Variants in LPA observed in about 807,000 individuals in gnomAD.
The protein encoded by LPA is lipoprotein(a), also known as apolipoprotein(a).
LPA carries 199 observed loss-of-function variants against 197.9 expected under a neutral mutation model. That is an observed-to-expected ratio of 1.01 (90% CI 0.90 to 1.13). The LOEUF (loss-of-function observed/expected upper bound fraction) is 1.13. Ranked by LOEUF, LPA falls within the 50% of genes most tolerant of loss-of-function variation. The probability of loss-of-function intolerance (pLI) is 0.00; values close to 1 mark genes in which losing one functional copy is unlikely to be tolerated. For missense variants in LPA, 1,853 were observed against 1,785.8 expected (o/e 1.04, Z -0.68); for synonymous variants, 715 against 639.5 (o/e 1.12, Z -1.78).
At chr6:160,591,787 T>G (rs779722179) in intron 22 of LPA, among the ~76,000 whole-genome samples, 2 of 151,264 alleles carry the variant, frequency 1.3e-5, no homozygotes, top group Non-Finnish European at 2.9e-5. Flanking sequence ...TTTACTCCTT[T>G]GTTGGTCTAT....
chr6:160,563,879 T>C (rs376944964), intron 28 of LPA, among the ~76,000 whole-genome samples: 12 of 152,240 alleles, frequency 7.9e-5, no homozygotes, highest in African/African-American at 2.4e-4. Context: ...AAGACTAAGA[T>C]TGCAACCGCT....
At position 160,650,439 on chromosome 6, in the gene LPA, A is replaced by G. The variant is rs1779983337; in HGVS notation, c.108T>C (p.Tyr36=). 1 of 1,613,908 alleles carries G rather than the reference A, an allele frequency of 6.2e-7. No individual in the cohort carries two copies. The change falls in exon 2 of 39, where the codon TAT becomes TAC. Residue 36 remains tyrosine, a synonymous_variant. Coordinates refer to ENST00000316300, the MANE Select transcript of LPA (RefSeq NM_005577.4). ...QDCYHGDGQS[Y]RGTYSTTVTG... Reference sequence around the variant, plus strand: ...TGACAGTGGTGGAGTACGTGCCTCGATAACTCTGTCCATCACCATGGTAGC... The same window carrying G: ...TGACAGTGGTGGAGTACGTGCCTCGGTAACTCTGTCCATCACCATGGTAGC...
intron 28 of LPA, among the ~76,000 whole-genome samples, chr6:160,565,677 C>T (rs889564224): frequency 1.3e-5 from 2 of 152,166 alleles, no homozygotes; most frequent in South Asian, 2.1e-4. Context: ...CAGAGAATGA[C>T]TTTGATGAGT....
chr6:160,599,619 G>T lies in LPA; in HGVS notation c.3168C>A (p.Tyr1056Ter). The T allele has an allele frequency of 6.2e-7, 1 of 1,614,080 alleles. No homozygotes were observed. Among genetic ancestry groups the T allele is most frequent in the Non-Finnish European group, 8.5e-7 (1 of 1,179,976 alleles). The change falls in exon 20 of 39, where the codon TAC becomes TAA. Residue 1056 changes from tyrosine (Y) to a stop codon, truncating the protein, a stop_gained. Transcript: ENST00000316300. LOFTEE classifies it high-confidence loss of function. ...EETPGVQDCY[Y>*]HYGQSYRGTY... Reference sequence around the variant, plus strand: ...TGCCTCGGTAACTCTGTCCATAATGGTAGTAGCAGTCCTGTACCCCGGGGG... The same window carrying T: ...TGCCTCGGTAACTCTGTCCATAATGTTAGTAGCAGTCCTGTACCCCGGGGG...
chr6:160,576,590 T>A (rs893568038), intron 28 of LPA, among the ~76,000 whole-genome samples: 8 of 145,580 alleles, frequency 5.5e-5, no homozygotes, highest in African/African-American at 1.7e-4. Flanking sequence ...TAAAAATATA[T>A]AAATTTATGC....
At chr6:160,602,472 A>G (rs1779263024) in intron 18 of LPA, among the ~76,000 whole-genome samples, 1 of 152,242 alleles carries the variant, frequency 6.6e-6, no homozygotes, top group African/African-American at 2.4e-5. Flanking sequence ...AAAGTTAAAT[A>G]TATTGCTATC....
intron 26 of LPA, among the ~76,000 whole-genome samples, chr6:160,583,441 C>T (rs558914949): frequency 8.6e-5 from 13 of 152,034 alleles, no homozygotes; most frequent in Non-Finnish European, 1.9e-4. Context: ...TAATTCTACT[C>T]CTGAAGTATG....
chr6:160,594,973 G>A (rs1241645834), intron 21 of LPA, among the ~76,000 whole-genome samples: 2 of 152,294 alleles, frequency 1.3e-5, no homozygotes, highest in East Asian at 3.9e-4. Context: ...AGCCAAAGAT[G>A]CAATGAACAC....
At chr6:160,546,043 C>T (rs1006694487) in intron 32 of LPA, among the ~76,000 whole-genome samples, 1 of 152,182 alleles carries the variant, frequency 6.6e-6, no homozygotes, top group African/African-American at 2.4e-5. Context: ...CTCTGCCCCC[C>T]AGTTCTTAAC....
intron 23 of LPA, among the ~76,000 whole-genome samples, chr6:160,590,011 T>C (rs1778995079): frequency 6.6e-6 from 1 of 152,210 alleles, no homozygotes. Flanking sequence ...CTTTTGGGTG[T>C]TCCTGAGAAC....
At chr6:160,532,773 A>T (rs747161747) in intron 37 of LPA, 124 bp from the exon 38 acceptor site, 11 of 743,928 alleles carry the variant, frequency 1.5e-5, no homozygotes, top group Non-Finnish European at 2.7e-5. Context: ...AACACAAGGC[A>T]GCTCCCAATG....
Position 160,653,951 on chromosome 6 carries a change from TATATATA to T in LPA, c.50-3461_50-3455del, listed in dbSNP as rs1562354280. Among the ~76,000 whole-genome samples the T allele has an allele frequency of 1.5e-3, 45 of 30,640 alleles. 1 individual carries two copies. The highest frequency in any genetic ancestry group is 5.1e-3 in the African/African-American group (41 of 8,068). The allele number at this position is 30,640 out of a possible 152,430, so 20.1% of individuals were successfully genotyped here. ...GGATATATATATATTTTATATATATTATATATAATATATATTATATATAATATATAAT... is the reference window on the plus strand; with the variant it reads ...GGATATATATATATTTTATATATATTATATATATTATATATAATATATAAT... On this transcript the variant is annotated intron_variant, in intron 1 of 38. Coordinates refer to ENST00000316300, the MANE Select transcript of LPA (RefSeq NM_005577.4).
At chr6:160,568,967 T>G (rs996457202) in intron 28 of LPA, among the ~76,000 whole-genome samples, 5 of 152,176 alleles carry the variant, frequency 3.3e-5, no homozygotes, top group African/African-American at 1.2e-4. Context: ...AAACCACTGC[T>G]TAATGAAATA....
At position 160,563,848 on chromosome 6, in the gene LPA, G is replaced by A. The variant is rs1778403628; in HGVS notation, c.4632-6277C>T. Among the ~76,000 whole-genome samples, 5 of 152,094 alleles carry A rather than the reference G, an allele frequency of 3.3e-5. No homozygotes were observed. In the South Asian group the frequency reaches 8.3e-4, roughly 25 times the overall value. ...TCCTTTGTCTCTTTTGATCTTTGAT[G>A]GTTTAAAGTCTGTTTCATCAAAGAC... On this transcript the variant is annotated intron_variant, in intron 28 of 38. Coordinates refer to ENST00000316300, the MANE Select transcript of LPA (RefSeq NM_005577.4).
rs748285266 is a variant in LPA at position 160,591,108 on chromosome 6, A to G, written c.3630-7T>C. ...GTAGTTCCTGGTCAGGCCACTGCAA[A>G]TTACAAAACAATACAGTTCACCAGA... On this transcript the variant is annotated splice_polypyrimidine_tract_variant and splice_region_variant and intron_variant, in intron 22 of 38. Coordinates refer to ENST00000316300, the MANE Select transcript of LPA (RefSeq NM_005577.4). 5.6e-6 allele frequency: 9 copies of G among 1,613,278 alleles called. No homozygotes were observed. The highest frequency in any genetic ancestry group is 7.6e-6 in the Non-Finnish European group (9 of 1,179,836).
intron 25 of LPA, among the ~76,000 whole-genome samples, chr6:160,586,185 A>G (rs1453083212): frequency 6.6e-6 from 1 of 152,102 alleles, no homozygotes; most frequent in Non-Finnish European, 1.5e-5. Context: ...GGACACTAAT[A>G]TGATTCGTTT....
At chr6:160,647,791 T>C (rs1161797411) in intron 2 of LPA, among the ~76,000 whole-genome samples, 1 of 152,192 alleles carries the variant, frequency 6.6e-6, no homozygotes, top group East Asian at 1.9e-4. Flanking sequence ...CTTCTACATA[T>C]GGTAAAGTTA....
intron 18 of LPA, 89 bp from the exon 19 acceptor site, chr6:160,601,187 G>A (rs1562339520): frequency 5.2e-6 from 6 of 1,152,822 alleles, no homozygotes; most frequent in East Asian, 4.7e-5. Flanking sequence ...CATTACTGGT[G>A]CCTTTGAAAT....
chr6:160,533,308 T>C (rs1777835665), intron 37 of LPA, among the ~76,000 whole-genome samples: 1 of 152,234 alleles, frequency 6.6e-6, no homozygotes, highest in Non-Finnish European at 1.5e-5. Flanking sequence ...AGTCATCATT[T>C]ACTAAGAATC....
Sources: allele counts gnomAD v4.1 joint callset (sites outside exome capture counted in the v4.1 genomes callset), GRCh38; gene constraint gnomAD v4.1.1; transcripts MANE v1.5; gene names NCBI Gene and HGNC (gene_info 2026-07-23, HGNC 2026-07-21).